Variants in CDH12 observed in about 807,000 individuals in gnomAD.
The protein encoded by CDH12 is cadherin-12.
CDH12 carries 41 observed loss-of-function variants against 74.1 expected under a neutral mutation model. That is an observed-to-expected ratio of 0.55 (90% CI 0.43 to 0.72). CDH12 has a LOEUF of 0.72. CDH12 is among the 30% of genes least tolerant of loss of function. CDH12 has a pLI of 0.00. For missense variants in CDH12, 945 were observed against 977.2 expected, an observed-to-expected ratio of 0.97 and a Z score of 0.44; for synonymous variants, 399 against 355.0, an observed-to-expected ratio of 1.12 and a Z score of -1.39.
At chr5:22,598,384 G>A (rs760209460) in intron 1 of CDH12, among the ~76,000 whole-genome samples, 3 of 152,062 alleles carry the variant, frequency 2.0e-5, no homozygotes, top group East Asian at 1.9e-4. Context: ...AAGTGAGTTC[G>A]CATGAGATCT....
intron 10 of CDH12, among the ~76,000 whole-genome samples, chr5:21,788,031 T>G (rs1038475779): frequency 6.6e-6 from 1 of 152,178 alleles, no homozygotes; most frequent in East Asian, 1.9e-4. Flanking sequence ...TTTTTCAATT[T>G]ATTAAGTATT....
chr5:22,219,010 T>C (rs1751920616), intron 3 of CDH12, among the ~76,000 whole-genome samples: 1 of 151,856 alleles, frequency 6.6e-6, no homozygotes, highest in African/African-American at 2.4e-5. Flanking sequence ...CAGATAATAG[T>C]TCAGTAAAAT....
chr5:22,698,252 GCT>G (rs1438838622), intron 1 of CDH12, among the ~76,000 whole-genome samples: 3 of 147,972 alleles, frequency 2.0e-5, no homozygotes, highest in African/African-American at 7.5e-5. Context: ...CTCCCAAGTA[GCT>G]GGGATTACAG....
intron 1 of CDH12, among the ~76,000 whole-genome samples, chr5:22,756,748 T>C (rs1745937999): frequency 6.6e-6 from 1 of 152,016 alleles, no homozygotes; most frequent in African/African-American, 2.4e-5. Flanking sequence ...GATCACGAGG[T>C]CAGGAGTTCA....
At chr5:21,769,586 T>C (rs1745212145) in intron 11 of CDH12, among the ~76,000 whole-genome samples, 1 of 152,060 alleles carries the variant, frequency 6.6e-6, no homozygotes, top group Non-Finnish European at 1.5e-5. Flanking sequence ...ATAGGATAGA[T>C]TTTTAGGTGT....
chr5:21,783,346 T>C lies in CDH12; in HGVS notation c.1393+12A>G, dbSNP rs1256563503. The C allele has an allele frequency of 3.1e-6, 5 of 1,610,856 alleles. No homozygotes were observed. The African/African-American group carries it at 6.7e-5, about 21-fold the overall frequency. ...TGCAGTATAACATTGATTCTGTCCA[T>C]GCCATACTTACTAACTTTACTCGCA... is the stretch of plus-strand genomic sequence containing the variant. On this transcript the variant is annotated intron_variant, in intron 11 of 14. Coordinates refer to ENST00000382254, the MANE Select transcript of CDH12 (RefSeq NM_004061.5).
chr5:22,002,476 A>G (rs1736662234), intron 5 of CDH12, among the ~76,000 whole-genome samples: 1 of 152,116 alleles, frequency 6.6e-6, no homozygotes, highest in Non-Finnish European at 1.5e-5. Context: ...TATGAGATAC[A>G]TTTAAAAAAT....
intron 1 of CDH12, among the ~76,000 whole-genome samples, chr5:22,845,524 T>C (rs1394088311): frequency 6.6e-6 from 1 of 152,108 alleles, no homozygotes; most frequent in Non-Finnish European, 1.5e-5. Flanking sequence ...GTGCGACTAT[T>C]ATAGGGCTTT....
At chr5:22,009,206 T>G (rs1737145537) in intron 5 of CDH12, among the ~76,000 whole-genome samples, 1 of 152,200 alleles carries the variant, frequency 6.6e-6, no homozygotes, top group African/African-American at 2.4e-5. Context: ...CCATGTTCTT[T>G]CAGGCTTCCC....
intron 1 of CDH12, among the ~76,000 whole-genome samples, chr5:22,603,926 T>A (rs1396158097): frequency 1.3e-5 from 2 of 152,072 alleles, no homozygotes; most frequent in Admixed American, 6.6e-5. Context: ...ATGGGAATAA[T>A]CCAGAAGAGG....
intron 3 of CDH12, among the ~76,000 whole-genome samples, chr5:22,327,437 T>G (rs1580527458): frequency 8.0e-6 from 1 of 124,738 alleles, no homozygotes; most frequent in Non-Finnish European, 1.9e-5. Context: ...TCTGTGTGTG[T>G]GTGTGTGTGT....
chr5:22,107,764 A>T (rs1561118735), intron 4 of CDH12, among the ~76,000 whole-genome samples: 1 of 152,196 alleles, frequency 6.6e-6, no homozygotes, highest in Non-Finnish European at 1.5e-5. Context: ...TGAATACACT[A>T]TAATCTACTT....
chr5:22,641,228 G>C (rs903343796), intron 1 of CDH12, among the ~76,000 whole-genome samples: 1 of 152,062 alleles, frequency 6.6e-6, no homozygotes, highest in Non-Finnish European at 1.5e-5. Flanking sequence ...TCTCAGAACC[G>C]GGGAAGCTGA....
chr5:21,815,770 C>T lies in CDH12; in HGVS notation c.1002+1175G>A, dbSNP rs552241248. Among the ~76,000 whole-genome samples, 3 of 152,232 alleles carry T rather than the reference C, an allele frequency of 2.0e-5. No homozygotes were observed. In the East Asian group the frequency reaches 5.8e-4, roughly 29 times the overall value. ...CAGTATGCTTCCACTGTGATATCAA[C>T]CAACATTGTGGTGAATTAGATATTT... On this transcript the variant is annotated intron_variant, in intron 9 of 14. Coordinates refer to ENST00000382254, the MANE Select transcript of CDH12 (RefSeq NM_004061.5).
At chr5:21,944,995 C>T (rs985104504) in intron 6 of CDH12, among the ~76,000 whole-genome samples, 12 of 151,726 alleles carry the variant, frequency 7.9e-5, no homozygotes, top group African/African-American at 2.7e-4. Context: ...GAACCATCTA[C>T]GAAATAATAA....
chr5:21,885,825 T>C (rs1280215256), intron 6 of CDH12, among the ~76,000 whole-genome samples: 1 of 152,184 alleles, frequency 6.6e-6, no homozygotes, highest in Non-Finnish European at 1.5e-5. Context: ...TTTTAAGTAG[T>C]TCCCACACCA....
At chr5:22,108,456 G>A (rs1744620252) in intron 4 of CDH12, among the ~76,000 whole-genome samples, 1 of 152,220 alleles carries the variant, frequency 6.6e-6, no homozygotes, top group African/African-American at 2.4e-5. Context: ...GGAAAAGTAT[G>A]AAGAGTATAG....
At chr5:22,226,769 T>C (rs193064672) in intron 3 of CDH12, among the ~76,000 whole-genome samples, 1 of 152,140 alleles carries the variant, frequency 6.6e-6, no homozygotes, top group Non-Finnish European at 1.5e-5. Context: ...TTTCTTGTTG[T>C]ATCACAAATG....
intron 4 of CDH12, among the ~76,000 whole-genome samples, chr5:22,198,200 C>T (rs1377289316): frequency 6.6e-6 from 1 of 152,146 alleles, no homozygotes; most frequent in African/African-American, 2.4e-5. Flanking sequence ...TCATTTCTAG[C>T]ACTTCAGTAG....
Sources: allele counts gnomAD v4.1 joint callset (sites outside exome capture counted in the v4.1 genomes callset), GRCh38; gene constraint gnomAD v4.1.1; transcripts MANE v1.5; gene names NCBI Gene and HGNC (gene_info 2026-07-23, HGNC 2026-07-21).